Variants in MPDZ observed in about 807,000 individuals in gnomAD.
The protein encoded by MPDZ is multiple PDZ domain protein.
MPDZ carries 234 observed loss-of-function variants against 239.1 expected under a neutral mutation model. The ratio of observed to expected loss-of-function variants is 0.98; its 90% CI spans 0.88 to 1.09. MPDZ has a LOEUF of 1.09. MPDZ is among the 50% of genes least tolerant of loss of function. The pLI is 0.00. For missense variants in MPDZ, 3,175 were observed against 2,510.0 expected (o/e 1.26, Z -5.66); for synonymous variants, 1,048 against 881.3 (o/e 1.19, Z -3.35).
At chr9:13,248,768 G>C (rs1424042583) in intron 2 of MPDZ, among the ~76,000 whole-genome samples, 2 of 150,950 alleles carry the variant, frequency 1.3e-5, no homozygotes, top group African/African-American at 2.4e-5. Flanking sequence ...AGGAGTTTGA[G>C]ACCAGCCTGG....
At chr9:13,254,652 C>G (rs1968978366) in intron 1 of MPDZ, among the ~76,000 whole-genome samples, 1 of 152,142 alleles carries the variant, frequency 6.6e-6, no homozygotes, top group Non-Finnish European at 1.5e-5. Flanking sequence ...AATCTCTCAA[C>G]AAAAGGGGTC....
chr9:13,125,091 G>C, intron 35 of MPDZ, 125 bp downstream of exon 35: 1 of 828,882 alleles, frequency 1.2e-6, no homozygotes, highest in East Asian at 2.5e-5. Flanking sequence ...CCTCACCATA[G>C]GGCTCCCTGA....
chr9:13,188,628 C>G (rs1309787502), intron 17 of MPDZ, among the ~76,000 whole-genome samples, 156 bp downstream of exon 17: 3 of 151,924 alleles, frequency 2.0e-5, no homozygotes, highest in African/African-American at 7.3e-5. Context: ...GAATATTACT[C>G]AAAACTAAAT....
chr9:13,237,279 C>CA (rs775125262), intron 3 of MPDZ, among the ~76,000 whole-genome samples: 1,601 of 142,068 alleles, frequency 0.011, 14 homozygotes, highest in African/African-American at 0.029. Flanking sequence ...CCCGTCTCTA[C>CA]AAAAAAAAAA....
intron 22 of MPDZ, among the ~76,000 whole-genome samples, chr9:13,164,515 A>AG (rs565437432): frequency 6.6e-6 from 1 of 152,156 alleles, no homozygotes; most frequent in Admixed American, 6.6e-5. Flanking sequence ...AGCCAGGAAA[A>AG]GGTCAGGGAA....
chr9:13,193,881 T>C (rs542631175), intron 13 of MPDZ, among the ~76,000 whole-genome samples: 1 of 152,168 alleles, frequency 6.6e-6, no homozygotes, highest in Non-Finnish European at 1.5e-5. Context: ...ATCTACTTTA[T>C]CCCTTTTATT....
At chr9:13,182,070 G>A (rs1002316843) in intron 19 of MPDZ, among the ~76,000 whole-genome samples, 1 of 152,016 alleles carries the variant, frequency 6.6e-6, no homozygotes, top group Admixed American at 6.6e-5. Context: ...AAAAGAAAAT[G>A]CTTTGAAAAT....
rs762112472 is a variant in MPDZ at position 13,223,557 on chromosome 9, C to T, written c.533+14G>A. 10 of 1,595,426 alleles carry T rather than the reference C, an allele frequency of 6.3e-6. No individual in the cohort carries two copies. The highest frequency in any genetic ancestry group is 2.3e-5 in the South Asian group (2 of 87,250). ...GTGGGATCAAAAACAAAGAAGACGC[C>T]GCGACCATCTCACCTATGGGCCACA... On this transcript the variant is annotated intron_variant, in intron 5 of 46. Transcript: ENST00000319217.
intron 32 of MPDZ, among the ~76,000 whole-genome samples, chr9:13,133,473 T>C (rs2132119801): frequency 6.6e-6 from 1 of 152,300 alleles, no homozygotes; most frequent in Non-Finnish European, 1.5e-5. Context: ...TTATTTTTAT[T>C]TCCTCCGTAG....
At chr9:13,187,812 A>T (rs1262438983) in intron 17 of MPDZ, among the ~76,000 whole-genome samples, 1 of 152,170 alleles carries the variant, frequency 6.6e-6, no homozygotes, top group East Asian at 1.9e-4. Context: ...TATTGAGAAC[A>T]TCTCTAATAT....
chr9:13,262,344 G>C lies in MPDZ; in HGVS notation c.-57-11972C>G, dbSNP rs544299595. On this transcript the variant is annotated intron_variant, in intron 1 of 46. Transcript: ENST00000319217. ...ACACACCTGTAGTCCCTGCTATTCAGGAGGCTGAAGTGGGAGGATCACCCG... is the reference window on the plus strand; with the variant it reads ...ACACACCTGTAGTCCCTGCTATTCACGAGGCTGAAGTGGGAGGATCACCCG... Among the ~76,000 whole-genome samples, 31 of 152,204 alleles carry C rather than the reference G, an allele frequency of 2.0e-4. 4 individuals are homozygous for C. The East Asian group carries it at 6.0e-3, about 30-fold the overall frequency.
chr9:13,198,660 C>T (rs1489246091), intron 12 of MPDZ, among the ~76,000 whole-genome samples: 1 of 150,922 alleles, frequency 6.6e-6, no homozygotes, highest in Non-Finnish European at 1.5e-5. Flanking sequence ...AAATCTTTGC[C>T]CAGACAAATC....
chr9:13,214,686 G>C (rs1055464088), intron 10 of MPDZ, among the ~76,000 whole-genome samples: 2 of 152,036 alleles, frequency 1.3e-5, no homozygotes, highest in African/African-American at 2.4e-5. Context: ...TTCAGCATCA[G>C]ATATGGATTT....
intron 22 of MPDZ, among the ~76,000 whole-genome samples, chr9:13,163,368 ACT>A (rs1178460261): frequency 2.0e-5 from 3 of 152,100 alleles, no homozygotes; most frequent in Non-Finnish European, 4.4e-5. Flanking sequence ...TTATGGAAAG[ACT>A]CTTACTAATT....
intron 31 of MPDZ, chr9:13,134,463 G>C (rs1378054895): frequency 6.6e-6 from 1 of 152,136 alleles, no homozygotes; most frequent in Non-Finnish European, 1.5e-5. Context: ...GGAGCAGCCG[G>C]AATGAGACAA....
At position 13,123,311 on chromosome 9, in the gene MPDZ, T is replaced by A. The variant is rs547101553; in HGVS notation, c.4808-13A>T. On this transcript the variant is annotated splice_polypyrimidine_tract_variant and intron_variant, in intron 35 of 46. Transcript: ENST00000319217. The stretch of plus-strand genomic sequence containing the variant: ...GATCTGCTTGTATCTAAAAATAAGT[T>A]AAAAATGAAATACAAATAAAAATTG... 1.1e-4 allele frequency: 173 copies of A among 1,583,820 alleles called. No individual in the cohort carries two copies. The African/African-American group carries it at 1.8e-3, about 17-fold the overall frequency.
chr9:13,273,796 T>C (rs1010748231), intron 1 of MPDZ, among the ~76,000 whole-genome samples: 2 of 152,250 alleles, frequency 1.3e-5, no homozygotes, highest in Non-Finnish European at 2.9e-5. Flanking sequence ...AACACTTAAT[T>C]TTAAGCAGAA....
chr9:13,183,893 T>C (rs1953729786), intron 18 of MPDZ, among the ~76,000 whole-genome samples: 1 of 152,160 alleles, frequency 6.6e-6, no homozygotes, highest in East Asian at 1.9e-4. Context: ...AAATATTTAC[T>C]TTCTTACAGT....
intron 23 of MPDZ, among the ~76,000 whole-genome samples, chr9:13,158,793 T>C (rs574178640): frequency 2.0e-5 from 3 of 152,274 alleles, no homozygotes; most frequent in South Asian, 4.1e-4. Context: ...AGTCTACTGA[T>C]TGACTGTAAA....
Sources: allele counts gnomAD v4.1 joint callset (sites outside exome capture counted in the v4.1 genomes callset), GRCh38; gene constraint gnomAD v4.1.1; transcripts MANE v1.5; gene names NCBI Gene and HGNC (gene_info 2026-07-23, HGNC 2026-07-21).